KANK3: variants seen among roughly 807,000 people sequenced by gnomAD.
KANK3 encodes the protein KN motif and ankyrin repeat domain-containing protein 3.
In KANK3, 61 loss-of-function variants were observed where a neutral mutation model predicts 65.4. The ratio of observed to expected loss-of-function variants is 0.93; its 90% confidence interval spans 0.76 to 1.15. The LOEUF is 1.15. Among genes scored for constraint, KANK3 ranks in the 50% most tolerant of loss-of-function variants. The probability of loss-of-function intolerance (pLI) is 0.00; values close to 1 mark genes in which losing one functional copy is unlikely to be tolerated. For synonymous variants in KANK3, 586 were observed against 543.3 expected (o/e 1.08, Z -1.09); for missense variants, 1,187 against 1,178.8 (o/e 1.01, Z -0.10).
At chr19:8,326,538 A>C (rs1242541859) in intron 7 of KANK3, among the ~76,000 whole-genome samples, 3 of 144,516 alleles carry the variant, frequency 2.1e-5, no homozygotes, top group Non-Finnish European at 4.5e-5. Flanking sequence ...CTTTAATCCC[A>C]GCACTTTGGG....
rs1284727293 is a variant in KANK3 at position 8,334,817 on chromosome 19, T to C, written c.1010A>G (p.Asp337Gly). ...VEAAPETVEA[D>G]AWVTEALLGL... Reference sequence around the variant, plus strand: ...CAGCAGCGCCTCGGTCACCCACGCGTCCGCCTCCACGGTCTCGGGGGCAGC... The same window carrying C: ...CAGCAGCGCCTCGGTCACCCACGCGCCCGCCTCCACGGTCTCGGGGGCAGC... The change falls in exon 3 of 11, where the codon GAC (aspartate) becomes GGC (glycine). Residue 337 changes from aspartate (D) to glycine (G), a missense_variant. Asp to Gly is a moderately conservative substitution (Grantham distance 94). Transcript: ENST00000330915. 2.0e-6 allele frequency: 3 copies of C among 1,491,906 alleles called. No homozygotes were observed. The highest frequency in any genetic ancestry group is 1.8e-6 in the Non-Finnish European group (2 of 1,129,776). The allele number at this position is 1,491,906 out of a possible 1,614,324, so 92.4% of individuals were successfully genotyped here.
At chr19:8,323,294 G>A (rs534662279) in intron 10 of KANK3, 28 of 169,214 alleles carry the variant, frequency 1.7e-4, no homozygotes, top group Non-Finnish European at 3.4e-4. Flanking sequence ...CGTCTAACAC[G>A]AAGCCTGTTT....
At chr19:8,330,312 A>T (rs1053111355) in intron 7 of KANK3, among the ~76,000 whole-genome samples, 1 of 152,150 alleles carries the variant, frequency 6.6e-6, no homozygotes. Context: ...TGGGAATTAG[A>T]GGCTGGGCAC....
intron 1 of KANK3, among the ~76,000 whole-genome samples, chr19:8,342,014 T>C (rs1203778419): frequency 1.3e-5 from 2 of 151,824 alleles, no homozygotes; most frequent in African/African-American, 4.8e-5. Context: ...ATTTTTATTT[T>C]TGAGACGGAG....
intron 7 of KANK3, among the ~76,000 whole-genome samples, chr19:8,332,254 T>C (rs1208311291): frequency 2.0e-5 from 3 of 152,034 alleles, no homozygotes; most frequent in Non-Finnish European, 4.4e-5. Flanking sequence ...CTCAGCTCAC[T>C]GCAACCTCTG....
chr19:8,334,301 G>A lies in KANK3; in HGVS notation c.1427+19C>T, dbSNP rs1414837039. ...CTATGTCCCGGCAGAAGCTGCCACAGGAGGGGAAAGGCGCTCACTCTCCGT... is the reference window on the plus strand; with the variant it reads ...CTATGTCCCGGCAGAAGCTGCCACAAGAGGGGAAAGGCGCTCACTCTCCGT... On this transcript the variant is annotated intron_variant, in intron 4 of 10. Coordinates refer to ENST00000330915, the MANE Select transcript of KANK3 (RefSeq NM_198471.3). The A allele has an allele frequency of 1.2e-6, 2 of 1,613,606 alleles. No individual in the cohort carries two copies. Among genetic ancestry groups the A allele is most frequent in the Non-Finnish European group, 1.7e-6 (2 of 1,179,776 alleles).
At position 8,333,738 on chromosome 19, in the gene KANK3, C is replaced by A; in HGVS notation, c.1705G>T (p.Val569Leu). 2 of 1,466,310 alleles carry A rather than the reference C, an allele frequency of 1.4e-6. No individual in the cohort carries two copies. Among genetic ancestry groups the A allele is most frequent in the Non-Finnish European group, 9.0e-7 (1 of 1,106,198 alleles). The allele number at this position is 1,466,310 out of a possible 1,614,324, so 90.8% of individuals were successfully genotyped here. A position where few individuals can be genotyped will look rare whatever the true frequency, so the allele number is the denominator to read the frequency against. The change falls in exon 6 of 11, where the codon GTA becomes TTA. Residue 569 changes from valine to leucine, a missense_variant. Val to Leu is a conservative substitution (Grantham distance 32). Around this residue, in one of 3 missense-constraint regions of KANK3, gnomAD observed 1,078 missense variants for 1,038.2 expected, o/e 1.04. Coordinates refer to ENST00000330915, the MANE Select transcript of KANK3 (RefSeq NM_198471.3). This position sits in a 1 kb window ranked among gnomAD's most constrained non-coding sequence, Gnocchi z 5.0. The part of the protein sequence containing the change: ...LQRQLSRPRG[V>L]ASDGGAVRLV... Reference sequence around the variant, plus strand: ...GGGGCACTCACGCCGTCGCTGGCTACTCCGCGGGGCCGGCTCAGCTGCCGC... The same window carrying A: ...GGGGCACTCACGCCGTCGCTGGCTAATCCGCGGGGCCGGCTCAGCTGCCGC...
At chr19:8,325,904 G>A (rs1483487758) in intron 7 of KANK3, among the ~76,000 whole-genome samples, 1 of 151,214 alleles carries the variant, frequency 6.6e-6, no homozygotes, top group Non-Finnish European at 1.5e-5. Flanking sequence ...TCAGCTCACT[G>A]CAACCTCTGC....
chr19:8,324,060 C>G (rs987701896), intron 10 of KANK3, among the ~76,000 whole-genome samples: 1 of 152,170 alleles, frequency 6.6e-6, no homozygotes, highest in African/African-American at 2.4e-5. Context: ...GTTACTTCCC[C>G]CCTTGAGGAC....
intron 7 of KANK3, among the ~76,000 whole-genome samples, chr19:8,328,751 C>T (rs1179010818): frequency 6.6e-6 from 1 of 151,958 alleles, no homozygotes; most frequent in African/African-American, 2.4e-5. Context: ...CTGTAACGGG[C>T]ACAACTATTA....
chr19:8,333,581 AAGG>A lies in KANK3; in HGVS notation c.1719+140_1719+142del, dbSNP rs1379737356. 5.9e-6 allele frequency: 4 copies of A among 683,274 alleles called. No individual in the cohort carries two copies. The Admixed American group carries it at 1.3e-4, about 22-fold the overall frequency. 42.3% of individuals were successfully genotyped at this position (683,274 alleles called of 1,614,324 possible). On this transcript the variant is annotated intron_variant, in intron 6 of 10. Transcript: ENST00000330915. The surrounding 1 kb of genome is among the most constrained non-coding windows in gnomAD (Gnocchi z 5.0). The stretch of plus-strand genomic sequence containing the variant: ...AAGGAAAGATCGGCGCTGTCCTGGG[AAGG>A]AGATCCCTTCGGAGAGCCTGGGGTC...
In KANK3 at chr19:8,324,955, C is replaced by G. The variant is rs150685162; in HGVS notation, c.2078G>C (p.Ser693Thr). The G allele has an allele frequency of 6.2e-7, 1 of 1,613,242 alleles. No homozygotes were observed. Among genetic ancestry groups the G allele is most frequent in the African/African-American group, 1.3e-5 (1 of 74,914 alleles). Residue 693 changes from serine to threonine, a missense_variant, in exon 8 of 11, where the codon AGT becomes ACT. Physicochemically the swap from Ser to Thr is moderately conservative, Grantham distance 58. Transcript: ENST00000330915. ...FCMGDVNAKA[S>T]QTGQTALMLA... The stretch of plus-strand genomic sequence containing the variant: ...ACAGTGGGGGCGCCCACGCACCTGA[C>G]TGGCCTTGGCATTGACATCACCCAT...
chr19:8,336,601 T>C (rs117944407), intron 2 of KANK3, among the ~76,000 whole-genome samples: 19 of 42,682 alleles, frequency 4.5e-4, no homozygotes, highest in African/African-American at 6.4e-4. Flanking sequence ...TATACATATA[T>C]ATACATAGCT....
chr19:8,334,495 C>A lies in KANK3; in HGVS notation c.1327+5G>T, dbSNP rs1437593859. On this transcript the variant is annotated splice_donor_5th_base_variant and intron_variant, in intron 3 of 10. Coordinates refer to ENST00000330915, the MANE Select transcript of KANK3 (RefSeq NM_198471.3). Reference sequence around the variant, plus strand: ...CCAGGGCCCAGCGACGGGGTCGGGACTCACCCGCGGGCGCCACGGCCCTGT... The same window carrying A: ...CCAGGGCCCAGCGACGGGGTCGGGAATCACCCGCGGGCGCCACGGCCCTGT... 2 of 1,606,154 alleles carry A rather than the reference C, an allele frequency of 1.2e-6. No homozygotes were observed. The highest frequency in any genetic ancestry group is 1.7e-6 in the Non-Finnish European group (2 of 1,179,586).
chr19:8,333,971 C>T lies in KANK3; in HGVS notation c.1573G>A (p.Gly525Arg), dbSNP rs542991221. The T allele has an allele frequency of 3.2e-6, 5 of 1,569,614 alleles. No homozygotes were observed. In the Admixed American group the frequency reaches 7.1e-5, roughly 22 times the overall value. Residue 525 changes from glycine to arginine, a missense_variant, in exon 5 of 11, where the codon GGG becomes AGG. Physicochemically the swap from Gly to Arg is moderately radical, Grantham distance 125 (BLOSUM62 -2). Transcript: ENST00000330915. The surrounding 1 kb of genome is among the most constrained non-coding windows in gnomAD (Gnocchi z 5.0). Reference sequence around the variant, plus strand: ...TCGGGCTCAGGGTCCCGGATGTCCCCGCCGCTGGGAGGGCCAGGGGTGCCC... The same window carrying T: ...TCGGGCTCAGGGTCCCGGATGTCCCTGCCGCTGGGAGGGCCAGGGGTGCCC... ...DSGTPGPPSGGDIRDPEPEAE... is the reference protein window; with the variant it reads ...DSGTPGPPSGRDIRDPEPEAE...
rs1970560568 is a variant in KANK3 at position 8,333,182 on chromosome 19, G to A, written c.1768C>T (p.Arg590Trp). Residue 590 changes from arginine to tryptophan, a missense_variant, in exon 7 of 11, where the codon CGG (arginine) becomes TGG (tryptophan). Transcript: ENST00000330915. This position sits in a 1 kb window ranked among gnomAD's most constrained non-coding sequence, Gnocchi z 5.0. ...GCCACGGGCTCCGCCTGAGAGCGCC[G>A]CTGGCTGGACACTCGAAACCACTCC... is the stretch of plus-strand genomic sequence containing the variant. ...AQEWFRVSSQ[R>W]RSQAEPVARM... 3 of 1,612,698 alleles carry A rather than the reference G, an allele frequency of 1.9e-6. No homozygotes were observed. Among genetic ancestry groups the A allele is most frequent in the Non-Finnish European group, 2.5e-6 (3 of 1,179,860 alleles).
chr19:8,335,305 G>T lies in KANK3; in HGVS notation c.522C>A (p.Ala174=). 8.3e-7 allele frequency: 1 copy of T among 1,204,760 alleles called. No individual in the cohort carries two copies. Among genetic ancestry groups the T allele is most frequent in the South Asian group, 3.7e-5 (1 of 27,310 alleles). The allele number at this position is 1,204,760 out of a possible 1,614,324, so 74.6% of individuals were successfully genotyped here. A position where few individuals can be genotyped will look rare whatever the true frequency, so the allele number is the denominator to read the frequency against. The change falls in exon 3 of 11, where the codon GCC becomes GCA. Residue 174 remains alanine (A), a synonymous_variant. Transcript: ENST00000330915. Reference sequence around the variant, plus strand: ...GTTGGGCAGGGCCGGGCGAAGCAGGGGCAAGGTTAGGGGCGGGGCTGCTGC... The same window carrying T: ...GTTGGGCAGGGCCGGGCGAAGCAGGTGCAAGGTTAGGGGCGGGGCTGCTGC... The part of the protein sequence containing the change: ...SGRSSPAPNL[A]PASPGPAQLQ...
chr19:8,340,723 T>A (rs1452736458), intron 1 of KANK3, among the ~76,000 whole-genome samples: 2 of 152,162 alleles, frequency 1.3e-5, no homozygotes, highest in Non-Finnish European at 2.9e-5. Flanking sequence ...TAACTCCATT[T>A]CCCACTTCTG....
chr19:8,335,945 T>A (rs1005674271), intron 2 of KANK3, among the ~76,000 whole-genome samples, 153 bp from the exon 3 acceptor site: 3 of 152,218 alleles, frequency 2.0e-5, no homozygotes, highest in African/African-American at 7.2e-5. Flanking sequence ...GAGCACCTAC[T>A]CTGTGCTAAG....
Sources: gnomAD v4.1 joint callset for allele counts (sites outside exome capture counted in the v4.1 genomes callset) on GRCh38, gnomAD v4.1.1 for gene constraint, gnomAD v4.1.1 regional missense constraint, Gnocchi (gnomAD v3.1) non-coding constraint, MANE v1.5 for transcripts, NCBI Gene and HGNC (gene_info 2026-07-23, HGNC 2026-07-21) for gene names.